GABRB1: variants seen among roughly 807,000 people sequenced by gnomAD.
GABRB1 encodes gamma-aminobutyric acid type A receptor subunit beta1.
A neutral mutation model predicts 51.6 loss-of-function variants in GABRB1; 17 were observed. The ratio of observed to expected loss-of-function variants is 0.33; its 90% CI spans 0.23 to 0.49. The LOEUF is 0.49. Among genes scored for constraint, GABRB1 ranks in the 20% least tolerant of loss-of-function variants. The pLI is 0.99. For synonymous variants in GABRB1, 247 were observed against 218.9 expected, an observed-to-expected ratio of 1.13 and a Z score of -1.14; for missense variants, 410 against 600.6, an observed-to-expected ratio of 0.68 and a Z score of 3.32.
At chr4:47,388,234 A>T (rs951068385) in intron 5 of GABRB1, among the ~76,000 whole-genome samples, 18 of 152,340 alleles carry the variant, frequency 1.2e-4, no homozygotes, top group Admixed American at 1.0e-3. Flanking sequence ...AATACATTTT[A>T]ATGTATTTGA....
intron 4 of GABRB1, among the ~76,000 whole-genome samples, chr4:47,221,913 G>A (rs768509316): frequency 8.5e-5 from 13 of 152,132 alleles, no homozygotes; most frequent in Non-Finnish European, 1.5e-4. Context: ...CATGCCTGAA[G>A]GAAGCTTATC....
chr4:47,080,442 A>G (rs1727780239), intron 3 of GABRB1, among the ~76,000 whole-genome samples: 1 of 152,228 alleles, frequency 6.6e-6, no homozygotes, highest in South Asian at 2.1e-4. Context: ...GTGTTAGGAC[A>G]GTGAGAGCAA....
At chr4:47,389,993 A>G (rs974912345) in intron 5 of GABRB1, among the ~76,000 whole-genome samples, 6 of 152,214 alleles carry the variant, frequency 3.9e-5, no homozygotes, top group African/African-American at 1.4e-4. Flanking sequence ...TGTAAACAGG[A>G]AGGAAACATA....
At chr4:47,190,443 C>T (rs953357029) in intron 4 of GABRB1, among the ~76,000 whole-genome samples, 1 of 152,060 alleles carries the variant, frequency 6.6e-6, no homozygotes, top group African/African-American at 2.4e-5. Flanking sequence ...TATGTGCTAA[C>T]GGCTTTATGC....
chr4:47,062,868 C>T (rs1024196483), intron 3 of GABRB1, among the ~76,000 whole-genome samples: 3 of 152,096 alleles, frequency 2.0e-5, no homozygotes, highest in African/African-American at 4.8e-5. Flanking sequence ...ATCCCAAATT[C>T]GATTACATTC....
intron 3 of GABRB1, among the ~76,000 whole-genome samples, chr4:47,153,927 A>T (rs1025276468): frequency 1.1e-4 from 16 of 152,210 alleles, no homozygotes; most frequent in South Asian, 6.2e-4. Context: ...GGACTTTAGC[A>T]ACAATGGTAA....
chr4:47,359,017 A>C (rs1239094536), intron 5 of GABRB1, among the ~76,000 whole-genome samples: 2 of 152,164 alleles, frequency 1.3e-5, no homozygotes, highest in African/African-American at 4.8e-5. Context: ...CCAACTACAT[A>C]GAAATTTTAG....
chr4:47,032,390 T>C, intron 2 of GABRB1, 27 bp from the exon 3 acceptor site: 1 of 1,565,090 alleles, frequency 6.4e-7, no homozygotes, highest in South Asian at 1.2e-5. Context: ...GAGAATCTGT[T>C]CCTAATGTGG....
At chr4:47,139,430 G>A (rs1215685032) in intron 3 of GABRB1, among the ~76,000 whole-genome samples, 1 of 151,978 alleles carries the variant, frequency 6.6e-6, no homozygotes, top group Non-Finnish European at 1.5e-5. Context: ...GACAAACAAG[G>A]AAGCTGTATA....
At position 47,161,306 on chromosome 4, in the gene GABRB1, T is replaced by G; in HGVS notation, c.298T>G (p.Ser100Ala). The G allele has an allele frequency of 6.2e-7, 1 of 1,612,710 alleles. No homozygotes were observed. Among genetic ancestry groups the G allele is most frequent in the Non-Finnish European group, 8.5e-7 (1 of 1,179,230 alleles). ...TTGGAAAGACAAAAGGCTTTCTTAT[T>G]CTGGAATCCCACTGAACCTCACCCT... ...QSWKDKRLSY[S>A]GIPLNLTLDN... The change falls in exon 4 of 9, where the codon TCT becomes GCT. Residue 100 changes from serine to alanine, a missense_variant. By Grantham distance (99) the Ser-to-Ala change is moderately conservative. Coordinates refer to ENST00000295454, the MANE Select transcript of GABRB1 (RefSeq NM_000812.4).
At chr4:47,092,157 CTTTCTTTCTTTTTTTTT>C (rs1052724569) in intron 3 of GABRB1, among the ~76,000 whole-genome samples, 4 of 99,744 alleles carry the variant, frequency 4.0e-5, no homozygotes, top group African/African-American at 1.8e-4. Context: ...TTCTTTCTTT[CTTTCTTTCTTTTTTTTT>C]TTTTTTTTTT....
intron 3 of GABRB1, among the ~76,000 whole-genome samples, chr4:47,143,265 C>T (rs1401729947): frequency 6.6e-6 from 1 of 151,868 alleles, no homozygotes; most frequent in African/African-American, 2.4e-5. Context: ...TTTTAACATG[C>T]CACTGAGAGA....
At chr4:47,156,268 G>C (rs1717694529) in intron 3 of GABRB1, among the ~76,000 whole-genome samples, 1 of 151,778 alleles carries the variant, frequency 6.6e-6, no homozygotes, top group Non-Finnish European at 1.5e-5. Flanking sequence ...TGTAACTGGG[G>C]TCAGATGATA....
At position 47,273,880 on chromosome 4, in the gene GABRB1, C is replaced by T. The variant is rs1026940189; in HGVS notation, c.462-46247C>T. Among the ~76,000 whole-genome samples the T allele has an allele frequency of 2.2e-4, 34 of 151,730 alleles. No individual in the cohort carries two copies. In the East Asian group the frequency reaches 4.6e-3, roughly 21 times the overall value. On this transcript the variant is annotated intron_variant, in intron 4 of 8. Coordinates refer to ENST00000295454, the MANE Select transcript of GABRB1 (RefSeq NM_000812.4). The stretch of plus-strand genomic sequence containing the variant: ...ATATATACATACACACACACACACA[C>T]ACACACACACACACACACACATTGA...
rs1238232880 is a variant in GABRB1, at chr4:47,101,524, C to G, written c.241-59725C>G. Among the ~76,000 whole-genome samples the G allele has an allele frequency of 4.6e-5, 7 of 151,852 alleles. No homozygotes were observed. The East Asian group carries it at 1.4e-3, about 29-fold the overall frequency. ...GATACACAGAATTTTATTTTAACCTCTTTTTTTTGTTTTGGCCAACCCCTC... is the reference window on the plus strand; with the variant it reads ...GATACACAGAATTTTATTTTAACCTGTTTTTTTTGTTTTGGCCAACCCCTC... On this transcript the variant is annotated intron_variant, in intron 3 of 8. Transcript: ENST00000295454.
At chr4:47,379,150 C>CT (rs529776586) in intron 5 of GABRB1, among the ~76,000 whole-genome samples, 57 of 152,272 alleles carry the variant, frequency 3.7e-4, no homozygotes, top group Non-Finnish European at 7.5e-4. Context: ...ACTGAACATA[C>CT]TATAGTACAT....
intron 3 of GABRB1, among the ~76,000 whole-genome samples, chr4:47,150,069 T>G (rs575002242): frequency 6.6e-6 from 1 of 152,062 alleles, no homozygotes; most frequent in African/African-American, 2.4e-5. Context: ...CAGGCTATGG[T>G]CTTATTTTAT....
intron 4 of GABRB1, among the ~76,000 whole-genome samples, chr4:47,180,205 A>T (rs1718885859): frequency 6.6e-6 from 1 of 152,080 alleles, no homozygotes; most frequent in Non-Finnish European, 1.5e-5. Flanking sequence ...TTATAATCAC[A>T]GATCCCATTC....
intron 8 of GABRB1, among the ~76,000 whole-genome samples, chr4:47,411,380 GAAAA>G (rs200575498): frequency 1.3e-5 from 2 of 151,330 alleles, no homozygotes; most frequent in African/African-American, 4.9e-5. Context: ...TAGGTTGAGT[GAAAA>G]AAAACAGTAT....
Sources: allele counts gnomAD v4.1 joint callset (sites outside exome capture counted in the v4.1 genomes callset), GRCh38; gene constraint gnomAD v4.1.1; transcripts MANE v1.5; gene names NCBI Gene and HGNC (gene_info 2026-07-23, HGNC 2026-07-21).